Variants in ADAM12 observed in about 807,000 individuals in gnomAD.
ADAM12 encodes the protein ADAM metallopeptidase domain 12, also known as disintegrin and metalloproteinase domain-containing protein 12.
A neutral mutation model predicts 106.4 loss-of-function variants in ADAM12; 70 were observed. That is an observed-to-expected ratio of 0.66 (90% CI 0.54 to 0.80). The LOEUF (loss-of-function observed/expected upper bound fraction) is 0.80. Among genes scored for constraint, ADAM12 ranks in the 30% least tolerant of loss-of-function variants. The pLI is 0.00. For missense variants in ADAM12, 1,010 were observed against 1,171.9 expected (o/e 0.86, Z 2.02); for synonymous variants, 420 against 433.5 (o/e 0.97, Z 0.39).
At position 126,049,795 on chromosome 10, in the gene ADAM12, C is replaced by A; in HGVS notation, c.1610-126G>T. On this transcript the variant is annotated intron_variant, in intron 14 of 22. Coordinates refer to ENST00000448723, the MANE Select transcript of ADAM12 (RefSeq NM_001288973.2). The surrounding 1 kb of genome is among the most constrained non-coding windows in gnomAD (Gnocchi z 4.4). ...CAATCACACCCAGTGTCTGTCCCGA[C>A]TCATGGTGGGAGCTGGCCAGGGGAA... 1 of 848,126 alleles carries A rather than the reference C, an allele frequency of 1.2e-6. No individual in the cohort carries two copies. Among genetic ancestry groups the A allele is most frequent in the South Asian group, 1.7e-5 (1 of 57,412 alleles). 52.5% of individuals were successfully genotyped at this position (848,126 alleles called of 1,614,324 possible). A position where few individuals can be genotyped will look rare whatever the true frequency, so the allele number is the denominator to read the frequency against.
intron 1 of ADAM12, among the ~76,000 whole-genome samples, chr10:126,377,054 T>C (rs149389289): frequency 1.5e-4 from 23 of 152,270 alleles, no homozygotes; most frequent in African/African-American, 5.5e-4. Context: ...CACTGAGAGG[T>C]TTCCTGTGAT....
chr10:126,100,670 A>C (rs1955646773), intron 9 of ADAM12, among the ~76,000 whole-genome samples: 1 of 152,142 alleles, frequency 6.6e-6, no homozygotes, highest in Non-Finnish European at 1.5e-5. Flanking sequence ...AGCTGAGATC[A>C]TGCCACTGCA....
At chr10:126,212,531 C>T (rs183926459) in intron 3 of ADAM12, among the ~76,000 whole-genome samples, 1 of 152,058 alleles carries the variant, frequency 6.6e-6, no homozygotes, top group Non-Finnish European at 1.5e-5. Context: ...AGTTAAGCAG[C>T]AGCTCTTCAT....
At position 126,333,437 on chromosome 10, in the gene ADAM12, T is replaced by G. The variant is rs1455011983; in HGVS notation, c.89-2928A>C. 2.6e-5 allele frequency among the ~76,000 whole-genome samples: 4 copies of G among 152,340 alleles called. No individual in the cohort carries two copies. In the South Asian group the frequency reaches 6.2e-4, roughly 24 times the overall value. ...TGCCTGGAGGAAGAATCTTTGCACT[T>G]AATAGACTTCCCTTGAGAAGCTGTA... On this transcript the variant is annotated intron_variant, in intron 1 of 22. Transcript: ENST00000448723.
intron 8 of ADAM12, among the ~76,000 whole-genome samples, chr10:126,107,933 C>T (rs1257975900): frequency 2.6e-5 from 4 of 152,264 alleles, no homozygotes; most frequent in East Asian, 1.9e-4. Flanking sequence ...AGACAGAGAG[C>T]GCTGCCATTT....
chr10:126,248,685 G>GTATGTATTTATTTATTTATTTATT (rs1291820531), intron 3 of ADAM12, among the ~76,000 whole-genome samples: 7 of 67,070 alleles, frequency 1.0e-4, no homozygotes, highest in African/African-American at 4.6e-4. Context: ...ATGTATGTAT[G>GTATGTATTTATTTATTTATTTATT]TATTTATTTA....
chr10:126,335,891 G>A (rs1210759158), intron 1 of ADAM12, among the ~76,000 whole-genome samples: 42 of 152,018 alleles, frequency 2.8e-4, no homozygotes, highest in Admixed American at 2.6e-3. Flanking sequence ...CACAGCCCCC[G>A]TCTAATCATG....
chr10:126,307,381 T>G (rs1403172733), intron 2 of ADAM12, among the ~76,000 whole-genome samples: 2 of 152,052 alleles, frequency 1.3e-5, no homozygotes, highest in Admixed American at 6.6e-5. Flanking sequence ...TGAGATGGAG[T>G]CTTGCTCTGT....
intron 3 of ADAM12, among the ~76,000 whole-genome samples, chr10:126,256,492 G>A (rs1288429394): frequency 6.6e-6 from 1 of 152,170 alleles, no homozygotes; most frequent in African/African-American, 2.4e-5. Context: ...ATTGATAGAG[G>A]TTCTACTACC....
chr10:126,119,145 G>A lies in ADAM12; in HGVS notation c.417-921C>T, dbSNP rs567501652. ...CACTGCTTCTTGGAGGCTGAGGTCC[G>A]GCCTCTGGATCCTGTGTTCAGCTCT... is the stretch of plus-strand genomic sequence containing the variant. On this transcript the variant is annotated intron_variant, in intron 5 of 22. Coordinates refer to ENST00000448723, the MANE Select transcript of ADAM12 (RefSeq NM_001288973.2). Among the ~76,000 whole-genome samples, 9 of 152,214 alleles carry A rather than the reference G, an allele frequency of 5.9e-5. No individual in the cohort carries two copies. The South Asian group carries it at 1.0e-3, about 18-fold the overall frequency.
chr10:126,235,405 G>A (rs1369670753), intron 3 of ADAM12, among the ~76,000 whole-genome samples: 1 of 152,228 alleles, frequency 6.6e-6, no homozygotes, highest in African/African-American at 2.4e-5. Context: ...GAGGACGACA[G>A]GAAGAGGCTC....
chr10:126,108,674 T>G lies in ADAM12; in HGVS notation c.670-10A>C, dbSNP rs754834031. The G allele has an allele frequency of 6.2e-7, 1 of 1,610,352 alleles. No individual in the cohort carries two copies. Among genetic ancestry groups the G allele is most frequent in the Non-Finnish European group, 8.5e-7 (1 of 1,176,492 alleles). Reference sequence around the variant, plus strand: ...TTCCTTGCCTCTGAAACTTAACAATTTTAAATGGCAGCATTAATACCAGCA... The same window carrying G: ...TTCCTTGCCTCTGAAACTTAACAATGTTAAATGGCAGCATTAATACCAGCA... On this transcript the variant is annotated splice_polypyrimidine_tract_variant and intron_variant, in intron 7 of 22. Coordinates refer to ENST00000448723, the MANE Select transcript of ADAM12 (RefSeq NM_001288973.2).
chr10:126,368,618 T>A (rs1564760444), intron 1 of ADAM12, among the ~76,000 whole-genome samples: 1 of 151,692 alleles, frequency 6.6e-6, no homozygotes, highest in Non-Finnish European at 1.5e-5. Context: ...GTAAAACTTG[T>A]GATTTGCAAA....
chr10:126,028,403 G>A (rs1002513298), intron 21 of ADAM12, among the ~76,000 whole-genome samples: 1 of 152,124 alleles, frequency 6.6e-6, no homozygotes, highest in African/African-American at 2.4e-5. Context: ...CACGCTACCT[G>A]ACTTCAAACT....
chr10:126,195,189 T>C (rs999092879), intron 3 of ADAM12, among the ~76,000 whole-genome samples: 27 of 152,320 alleles, frequency 1.8e-4, no homozygotes. Flanking sequence ...ATATGGTAAC[T>C]ACAGTTAATA....
intron 12 of ADAM12, among the ~76,000 whole-genome samples, chr10:126,067,232 C>CCTT (rs1954889715): frequency 1.3e-5 from 2 of 152,224 alleles, no homozygotes; most frequent in African/African-American, 4.8e-5. Context: ...CAAAAATGAA[C>CCTT]CTTTTTTGAT....
At position 126,098,570 on chromosome 10, in the gene ADAM12, C is replaced by T. The variant is rs575347367; in HGVS notation, c.912-70G>A. 3.3e-5 allele frequency: 44 copies of T among 1,320,304 alleles called. No homozygotes were observed. The African/African-American group carries it at 5.7e-4, about 17-fold the overall frequency. 81.8% of individuals were successfully genotyped at this position (1,320,304 alleles called of 1,614,324 possible). Reference sequence around the variant, plus strand: ...GGGCATTCTCTAATATTTAAAAATTCTGTTGGATATTCCTGCAATAAAATA... The same window carrying T: ...GGGCATTCTCTAATATTTAAAAATTTTGTTGGATATTCCTGCAATAAAATA... On this transcript the variant is annotated intron_variant, in intron 9 of 22. Coordinates refer to ENST00000448723, the MANE Select transcript of ADAM12 (RefSeq NM_001288973.2).
rs549537561 is a variant in ADAM12 at position 126,075,655 on chromosome 10, G to A, written c.1146-4001C>T. On this transcript the variant is annotated intron_variant, in intron 11 of 22. Transcript: ENST00000448723. Reference sequence around the variant, plus strand: ...AGAGGGTCATTTGAGCCCCTCACCCGAAGGGAAGAAGGTGTGAGTGCACCT... The same window carrying A: ...AGAGGGTCATTTGAGCCCCTCACCCAAAGGGAAGAAGGTGTGAGTGCACCT... Among the ~76,000 whole-genome samples the A allele has an allele frequency of 3.7e-3, 558 of 152,328 alleles. 1 individual carries two copies. The highest frequency in any genetic ancestry group is 5.8e-3 in the Non-Finnish European group (395 of 68,036).
intron 21 of ADAM12, among the ~76,000 whole-genome samples, chr10:126,034,298 T>C (rs374452889): frequency 5.3e-5 from 8 of 152,302 alleles, no homozygotes; most frequent in African/African-American, 1.9e-4. Context: ...ATCTAGTTGA[T>C]AGAGGCCATG....
Sources: allele counts gnomAD v4.1 joint callset (sites outside exome capture counted in the v4.1 genomes callset), GRCh38; gene constraint gnomAD v4.1.1; non-coding constraint Gnocchi (gnomAD v3.1); transcripts MANE v1.5; gene names NCBI Gene and HGNC (gene_info 2026-07-23, HGNC 2026-07-21).